COG6: variants seen among roughly 807,000 people sequenced by gnomAD.
COG6 encodes conserved oligomeric Golgi complex subunit 6.
Under a neutral mutation model 88.8 loss-of-function variants are expected in COG6, and 74 were observed. The ratio of observed to expected loss-of-function variants is 0.83; its 90% confidence interval spans 0.69 to 1.01. The LOEUF is 1.01. Ranked by LOEUF, COG6 falls within the 50% of genes least tolerant of loss-of-function variation. The probability of loss-of-function intolerance (pLI) is 0.00; values close to 1 mark genes in which losing one functional copy is unlikely to be tolerated. For missense variants in COG6, 800 were observed against 797.9 expected, an observed-to-expected ratio of 1.00 and a Z score of -0.03; for synonymous variants, 286 against 278.7, an observed-to-expected ratio of 1.03 and a Z score of -0.26.
rs141137585 is a variant in COG6, at chr13:39,667,010, G to A, written c.428+1856G>A. ...GAACCTCAGGGTTTCTTTGCAAGACGTAGAAGGATAATGGAGTTTTGGAGG... is the reference window on the plus strand; with the variant it reads ...GAACCTCAGGGTTTCTTTGCAAGACATAGAAGGATAATGGAGTTTTGGAGG... On this transcript the variant is annotated intron_variant, in intron 4 of 18. Coordinates refer to ENST00000455146, the MANE Select transcript of COG6 (RefSeq NM_020751.3). Among the ~76,000 whole-genome samples the A allele has an allele frequency of 1.2e-3, 184 of 152,256 alleles. 1 individual carries two copies. Among genetic ancestry groups the A allele is most frequent in the African/African-American group, 4.3e-3 (180 of 41,570 alleles).
intron 18 of COG6, among the ~76,000 whole-genome samples, chr13:39,743,278 A>T (rs1209273580): frequency 6.6e-6 from 1 of 152,214 alleles, no homozygotes; most frequent in Non-Finnish European, 1.5e-5. Flanking sequence ...GGACATAGAG[A>T]CACAAAAAAC....
chr13:39,675,572 T>C (rs1028228807), intron 4 of COG6, among the ~76,000 whole-genome samples: 1 of 152,184 alleles, frequency 6.6e-6, no homozygotes, highest in African/African-American at 2.4e-5. Flanking sequence ...TGTAGCTATA[T>C]ATAGAGCCTG....
At chr13:39,701,355 A>C (rs1246974447) in intron 13 of COG6, among the ~76,000 whole-genome samples, 3 of 151,898 alleles carry the variant, frequency 2.0e-5, no homozygotes, top group Non-Finnish European at 4.4e-5. Flanking sequence ...AATTGGTCTA[A>C]TCTAAAAGGG....
At chr13:39,705,014 T>C (rs1306329908) in intron 13 of COG6, among the ~76,000 whole-genome samples, 1 of 152,190 alleles carries the variant, frequency 6.6e-6, no homozygotes, top group Non-Finnish European at 1.5e-5. Context: ...TTTCATCAAA[T>C]TTTAATGTTC....
At chr13:39,678,777 G>A (rs989012462) in intron 5 of COG6, among the ~76,000 whole-genome samples, 1 of 152,042 alleles carries the variant, frequency 6.6e-6, no homozygotes, top group African/African-American at 2.4e-5. Context: ...AGTCATTTGG[G>A]TGTAGAGAGG....
chr13:39,675,493 C>T (rs1875913767), intron 4 of COG6, among the ~76,000 whole-genome samples: 1 of 151,972 alleles, frequency 6.6e-6, no homozygotes, highest in African/African-American at 2.4e-5. Flanking sequence ...TTAAAGTTAC[C>T]ATCTTGATAT....
At chr13:39,706,275 A>ATATATATT (rs71080328) in intron 13 of COG6, among the ~76,000 whole-genome samples, 1 of 141,794 alleles carries the variant, frequency 7.1e-6, no homozygotes, top group South Asian at 2.1e-4. Context: ...ATATATATAT[A>ATATATATT]TATTTAAATA....
chr13:39,791,369 A>G (rs997203461), exon 19 of COG6: 2 of 152,110 alleles, frequency 1.3e-5, no homozygotes, highest in African/African-American at 4.8e-5. Flanking sequence ...GTATTTTAGT[A>G]ACAGATTTCC....
At chr13:39,721,177 G>A (rs1273834245) in intron 15 of COG6, among the ~76,000 whole-genome samples, 1 of 152,062 alleles carries the variant, frequency 6.6e-6, no homozygotes, top group Non-Finnish European at 1.5e-5. Context: ...TATGTCAGGT[G>A]TTTATCAATT....
intron 13 of COG6, among the ~76,000 whole-genome samples, chr13:39,705,826 A>G (rs78418322): frequency 0.06 from 9,053 of 152,126 alleles, 381 homozygotes; most frequent in Non-Finnish European, 0.094. Context: ...CTCCAGACCT[A>G]CTGAATTGAA....
intron 13 of COG6, among the ~76,000 whole-genome samples, chr13:39,713,473 C>T (rs1055909467): frequency 5.9e-5 from 9 of 152,158 alleles, no homozygotes; most frequent in East Asian, 1.9e-4. Context: ...CGGTGGCTCA[C>T]GCCTGTAATC....
chr13:39,702,361 C>T lies in COG6; in HGVS notation c.1284+2743C>T, dbSNP rs528250678. Among the ~76,000 whole-genome samples the T allele has an allele frequency of 4.0e-5, 6 of 151,858 alleles. No individual in the cohort carries two copies. In the South Asian group the frequency reaches 1.2e-3, roughly 32 times the overall value. On this transcript the variant is annotated intron_variant, in intron 13 of 18. Transcript: ENST00000455146. ...TTTAAAGATAGTCAGTAGTGGAAAC[C>T]ATAGATTAGTCACTTTTTAAGTTTT...
Position 39,751,375 on chromosome 13 carries a change from A to G in COG6, c.*282A>G, listed in dbSNP as rs1234632855. 5 of 1,392,524 alleles carry G rather than the reference A, an allele frequency of 3.6e-6. No individual in the cohort carries two copies. In the East Asian group the frequency reaches 1.8e-4, roughly 50 times the overall value. 86.3% of individuals were successfully genotyped at this position (1,392,524 alleles called of 1,614,324 possible). On this transcript the variant is annotated 3_prime_UTR_variant, in exon 19 of 19. Transcript: ENST00000455146. ...AGTTTTCACTGTATTCAGGAAGCAT[A>G]AAGTAGTATGAAAGGTTTGAAGAAT...
chr13:39,698,947 T>C (rs1007779684), intron 12 of COG6, among the ~76,000 whole-genome samples: 32 of 151,880 alleles, frequency 2.1e-4, no homozygotes, highest in African/African-American at 7.0e-4. Flanking sequence ...AATGTACTAA[T>C]GTAATTAGCC....
At chr13:39,775,765 C>A (rs1881444890) in intron 18 of COG6, among the ~76,000 whole-genome samples, 1 of 151,776 alleles carries the variant, frequency 6.6e-6, no homozygotes. Context: ...AGAGATACAT[C>A]TGAAATTTTT....
At chr13:39,738,760 A>G (rs1879897785) in intron 18 of COG6, among the ~76,000 whole-genome samples, 2 of 152,178 alleles carry the variant, frequency 1.3e-5, no homozygotes. Flanking sequence ...ACTATAAGAA[A>G]AATTAGACTA....
chr13:39,778,504 C>A (rs1881529950), intron 18 of COG6, among the ~76,000 whole-genome samples: 1 of 152,172 alleles, frequency 6.6e-6, no homozygotes, highest in African/African-American at 2.4e-5. Flanking sequence ...TTGATAATCT[C>A]CTTAGTATCA....
chr13:39,687,746 C>A lies in COG6; in HGVS notation c.956C>A (p.Thr319Asn), dbSNP rs1428739783. 1 of 1,614,062 alleles carries A rather than the reference C, an allele frequency of 6.2e-7. No homozygotes were observed. Among genetic ancestry groups the A allele is most frequent in the South Asian group, 1.1e-5 (1 of 91,074 alleles). ...GDMLAWLHQA[T>N]ASEKEHLEAL... ...ATGTTGGCTTGGCTCCATCAAGCTACTGCTTCTGAAAAGGAACACCTTGAA... is the reference window on the plus strand; with the variant it reads ...ATGTTGGCTTGGCTCCATCAAGCTAATGCTTCTGAAAAGGAACACCTTGAA... Residue 319 changes from threonine (T) to asparagine (N), a missense_variant, in exon 10 of 19, where the codon ACT (threonine) becomes AAT (asparagine). By Grantham distance (65) the Thr-to-Asn change is moderately conservative. Coordinates refer to ENST00000455146, the MANE Select transcript of COG6 (RefSeq NM_020751.3).
At position 39,680,176 on chromosome 13, in the gene COG6, G is replaced by A. The variant is rs1376695304; in HGVS notation, c.694+131G>A. The A allele has an allele frequency of 9.8e-6, 6 of 612,356 alleles. No homozygotes were observed. In the East Asian group the frequency reaches 1.2e-4, roughly 12 times the overall value. 37.9% of individuals were successfully genotyped at this position (612,356 alleles called of 1,614,324 possible). A position where few individuals can be genotyped will look rare whatever the true frequency, so the allele number is the denominator to read the frequency against. On this transcript the variant is annotated intron_variant, in intron 7 of 18. Coordinates refer to ENST00000455146, the MANE Select transcript of COG6 (RefSeq NM_020751.3). ...TTTTTTAAAAATAAAAATAGTATTT[G>A]TATTTGGTTTTTAAATTTTTACTTG...
Sources: allele counts gnomAD v4.1 joint callset (sites outside exome capture counted in the v4.1 genomes callset), GRCh38; gene constraint gnomAD v4.1.1; transcripts MANE v1.5; gene names NCBI Gene and HGNC (gene_info 2026-07-23, HGNC 2026-07-21).